Variants in NPFFR1 observed in about 807,000 individuals in gnomAD.
The protein encoded by NPFFR1 is G-protein coupled receptor 147.
A neutral mutation model predicts 12.7 loss-of-function variants in NPFFR1; 17 were observed. The observed-to-expected ratio is 1.34, with a 90% CI of 0.92 to 2.01. NPFFR1 has a LOEUF of 2.01. Among genes scored for constraint, NPFFR1 ranks in the 30% most tolerant of loss-of-function variants. The pLI is 0.00. For missense variants in NPFFR1, 604 were observed against 606.5 expected, an observed-to-expected ratio of 1.00 and a Z score of 0.04; for synonymous variants, 296 against 264.5, an observed-to-expected ratio of 1.12 and a Z score of -1.16.
intron 2 of NPFFR1, among the ~76,000 whole-genome samples, chr10:70,262,663 T>C (rs1777931649): frequency 6.6e-6 from 1 of 152,220 alleles, no homozygotes; most frequent in Non-Finnish European, 1.5e-5. Flanking sequence ...AGGGTCAAGT[T>C]AAAATGAATC....
rs1305052088 is a variant in NPFFR1, at chr10:70,253,667, C to G, written c.*1290G>C. On this transcript the variant is annotated 3_prime_UTR_variant, in exon 4 of 4. Coordinates refer to ENST00000277942, the MANE Select transcript of NPFFR1 (RefSeq NM_022146.5). ...GGTTAAGGGAACAGAGCCTCAGAGC[C>G]CCGACCCCTGGAAACGTTTCTTTTT... 6.6e-6 allele frequency: 1 copy of G among 152,150 alleles called. No individual in the cohort carries two copies. The highest frequency in any genetic ancestry group is 1.5e-5 in the Non-Finnish European group (1 of 68,044). 9.4% of individuals were successfully genotyped at this position (152,150 alleles called of 1,614,324 possible). A position where few individuals can be genotyped will look rare whatever the true frequency, so the allele number is the denominator to read the frequency against.
intron 1 of NPFFR1, among the ~76,000 whole-genome samples, chr10:70,276,515 GT>G (rs1342237908): frequency 3.3e-5 from 5 of 150,754 alleles, no homozygotes; most frequent in African/African-American, 1.2e-4. Context: ...TGCAATTTCA[GT>G]TATTAACGAG....
intron 3 of NPFFR1, among the ~76,000 whole-genome samples, chr10:70,259,081 G>A (rs189645063): frequency 2.0e-5 from 3 of 152,282 alleles, no homozygotes; most frequent in Admixed American, 2.0e-4. Flanking sequence ...GAGGACAGGA[G>A]TTCGAGACCA....
intron 3 of NPFFR1, among the ~76,000 whole-genome samples, chr10:70,257,957 A>C (rs538928308): frequency 6.6e-6 from 1 of 152,022 alleles, no homozygotes; most frequent in Non-Finnish European, 1.5e-5. Context: ...TATTGCTCAC[A>C]GGTTTGTTAC....
intron 1 of NPFFR1, among the ~76,000 whole-genome samples, chr10:70,274,463 G>A (rs1046357326): frequency 7.9e-5 from 12 of 152,002 alleles, no homozygotes; most frequent in Admixed American, 7.2e-4. Flanking sequence ...ATAAAAAAGA[G>A]AGAGAGAGAG....
chr10:70,274,526 A>G (rs1433359055), intron 1 of NPFFR1, among the ~76,000 whole-genome samples: 1 of 152,158 alleles, frequency 6.6e-6, no homozygotes, highest in East Asian at 1.9e-4. Flanking sequence ...AACTTGTCTT[A>G]GAGCTGCTTT....
At chr10:70,260,823 T>C in intron 2 of NPFFR1, 84 bp from the exon 3 acceptor site, 1 of 1,189,316 alleles carries the variant, frequency 8.4e-7, no homozygotes, top group Non-Finnish European at 1.2e-6. Context: ...CCAGGTCCCC[T>C]CTGAGCTTGG....
At chr10:70,282,012 A>T (rs1019444958) in intron 1 of NPFFR1, among the ~76,000 whole-genome samples, 1 of 152,254 alleles carries the variant, frequency 6.6e-6, no homozygotes, top group African/African-American at 2.4e-5. Flanking sequence ...AAAAATTTAT[A>T]TTTCCCTTTT....
chr10:70,282,112 A>T (rs577753188), intron 1 of NPFFR1, among the ~76,000 whole-genome samples: 2 of 152,266 alleles, frequency 1.3e-5, no homozygotes, highest in South Asian at 4.1e-4. Context: ...ATATCTGTAA[A>T]TACCTCTGGG....
At chr10:70,283,132 T>TTGTG (rs56036699) in intron 1 of NPFFR1, among the ~76,000 whole-genome samples, 7,038 of 149,610 alleles carry the variant, frequency 0.047, 502 homozygotes, top group African/African-American at 0.16. Context: ...CTCTCTCTTT[T>TTGTG]TGTGTGTGTG....
Position 70,265,021 on chromosome 10 carries a change from A to C in NPFFR1, c.322+1056T>G, listed in dbSNP as rs558893927. Among the ~76,000 whole-genome samples, 19 of 152,198 alleles carry C rather than the reference A, an allele frequency of 1.2e-4. No homozygotes were observed. The South Asian group carries it at 3.9e-3, about 32-fold the overall frequency. On this transcript the variant is annotated intron_variant, in intron 2 of 3. Coordinates refer to ENST00000277942, the MANE Select transcript of NPFFR1 (RefSeq NM_022146.5). The stretch of plus-strand genomic sequence containing the variant: ...ACACGTGTGTGTGTCTATGTGTTGG[A>C]AAGGAGAGGAATGCAGTTTATGTTC...
chr10:70,261,051 C>A (rs979685949), intron 2 of NPFFR1, among the ~76,000 whole-genome samples: 1 of 152,084 alleles, frequency 6.6e-6, no homozygotes, highest in Non-Finnish European at 1.5e-5. Flanking sequence ...AAAAAGGCAG[C>A]CCTCTGTATG....
At chr10:70,259,024 AGTGGCTTAT>A (rs1461612856) in intron 3 of NPFFR1, among the ~76,000 whole-genome samples, 1 of 152,156 alleles carries the variant, frequency 6.6e-6, no homozygotes, top group Non-Finnish European at 1.5e-5. Context: ...TCCAGAGAAT[AGTGGCTTAT>A]GTCAGCACTT....
chr10:70,264,882 A>G (rs1183363195), intron 2 of NPFFR1, among the ~76,000 whole-genome samples: 1 of 152,222 alleles, frequency 6.6e-6, no homozygotes, highest in African/African-American at 2.4e-5. Context: ...AGTGTATGAA[A>G]AAGATGGGGA....
intron 2 of NPFFR1, among the ~76,000 whole-genome samples, chr10:70,264,015 G>A (rs1410381375): frequency 1.3e-5 from 2 of 152,158 alleles, no homozygotes; most frequent in Middle Eastern, 3.4e-3. Flanking sequence ...GGCCCAGGCA[G>A]GTTGAGACTG....
chr10:70,266,719 C>T (rs773032226), intron 1 of NPFFR1, among the ~76,000 whole-genome samples: 4 of 152,246 alleles, frequency 2.6e-5, no homozygotes, highest in Non-Finnish European at 4.4e-5. Flanking sequence ...TTCTGCATTG[C>T]CCTGGTTCCC....
chr10:70,267,129 G>A (rs1840702166), intron 1 of NPFFR1, among the ~76,000 whole-genome samples: 1 of 152,140 alleles, frequency 6.6e-6, no homozygotes, highest in Non-Finnish European at 1.5e-5. Context: ...ACTCTTTGAT[G>A]TCGTTCCCCT....
rs368459028 is a variant in NPFFR1 at position 70,266,295 on chromosome 10, T to G, written c.104A>C (p.Tyr35Ser). 3 of 1,613,602 alleles carry G rather than the reference T, an allele frequency of 1.9e-6. No individual in the cohort carries two copies. The African/African-American group carries it at 4.0e-5, about 22-fold the overall frequency. The change falls in exon 2 of 4, where the codon TAC becomes TCC. Residue 35 changes from tyrosine to serine, a missense_variant. Physicochemically the swap from Tyr to Ser is moderately radical, Grantham distance 144. Coordinates refer to ENST00000277942, the MANE Select transcript of NPFFR1 (RefSeq NM_022146.5). ...CGCCACAGGGGAGGTGTGCTGATAG[T>G]AGGAGGAGAAGGTGAGGTTTGTAGC... ...TPATNLTFSS[Y>S]YQHTSPVAAM...
At chr10:70,277,511 C>G (rs55700273) in intron 1 of NPFFR1, among the ~76,000 whole-genome samples, 7,760 of 152,300 alleles carry the variant, frequency 0.051, 252 homozygotes, top group Middle Eastern at 0.071. Context: ...CAGCATCCAT[C>G]TGGACCTCTA....
Sources: gnomAD v4.1 joint callset for allele counts (sites outside exome capture counted in the v4.1 genomes callset) on GRCh38, gnomAD v4.1.1 for gene constraint, MANE v1.5 for transcripts, NCBI Gene and HGNC (gene_info 2026-07-23, HGNC 2026-07-21) for gene names.